The following TTLL5 variants were observed in gnomAD, a reference collection of about 807,000 sequenced individuals.
TTLL5 encodes tubulin polyglutamylase TTLL5.
Under a neutral mutation model 168.4 loss-of-function variants are expected in TTLL5, and 132 were observed. The observed-to-expected ratio is 0.78, with a 90% CI of 0.68 to 0.91. The LOEUF is 0.91. Ranked by LOEUF, TTLL5 falls within the 40% of genes least tolerant of loss-of-function variation. The pLI is 0.00. For missense variants in TTLL5, 1,545 were observed against 1,581.5 expected, an observed-to-expected ratio of 0.98 and a Z score of 0.39; for synonymous variants, 546 against 558.6, an observed-to-expected ratio of 0.98 and a Z score of 0.32.
In TTLL5 at chr14:75,874,933, C is replaced by CCTTTTTTTTTTTT. The variant is rs778792332; in HGVS notation, c.3523-7752_3523-7751insCTTTTTTTTTTTT. Among the ~76,000 whole-genome samples, 415 of 97,544 alleles carry CCTTTTTTTTTTTT rather than the reference C, an allele frequency of 4.3e-3. 69 individuals are homozygous for CCTTTTTTTTTTTT. Among genetic ancestry groups the CCTTTTTTTTTTTT allele is most frequent in the African/African-American group, 0.019 (393 of 20,382 alleles). 64.0% of individuals were successfully genotyped at this position (97,544 alleles called of 152,430 possible). A position where few individuals can be genotyped will look rare whatever the true frequency, so the allele number is the denominator to read the frequency against. ...AGAGAAAAAAAAAGACACTGGGGGCCTTTTTTTTTTTTTTTTTTGAGACGG... is the reference window on the plus strand; with the variant it reads ...AGAGAAAAAAAAAGACACTGGGGGCCCTTTTTTTTTTTTTTTTTTTTTTTTTTTTTTGAGACGG... On this transcript the variant is annotated intron_variant, in intron 29 of 31. Coordinates refer to ENST00000298832, the MANE Select transcript of TTLL5 (RefSeq NM_015072.5).
intron 13 of TTLL5, among the ~76,000 whole-genome samples, 184 bp downstream of exon 13, chr14:75,732,603 T>C (rs1361456296): frequency 6.6e-6 from 1 of 152,202 alleles, no homozygotes; most frequent in Non-Finnish European, 1.5e-5. Flanking sequence ...ATGACAACCA[T>C]GGATCTCTGT....
chr14:75,847,084 C>T (rs1595142433), intron 28 of TTLL5, among the ~76,000 whole-genome samples: 3 of 152,064 alleles, frequency 2.0e-5, no homozygotes. Context: ...TCACTGCAAC[C>T]TCTGCTTCCC....
At position 75,768,491 on chromosome 14, in the gene TTLL5, AT is replaced by A. The variant is rs547399139; in HGVS notation, c.2015+2135del. ...GGAGACAGCCAGCTAAAAGAAACGGATTTTTTTTTTTTCTTTTGAGAAGAGG... is the reference window on the plus strand; with the variant it reads ...GGAGACAGCCAGCTAAAAGAAACGGATTTTTTTTTTTCTTTTGAGAAGAGG... On this transcript the variant is annotated intron_variant, in intron 20 of 31. Coordinates refer to ENST00000298832, the MANE Select transcript of TTLL5 (RefSeq NM_015072.5). Among the ~76,000 whole-genome samples the A allele has an allele frequency of 8.5e-4, 125 of 146,426 alleles. 2 individuals carry two copies. Among genetic ancestry groups the A allele is most frequent in the East Asian group, 1.8e-3 (9 of 5,030 alleles).
At chr14:75,722,727 T>C (rs968900252) in intron 12 of TTLL5, among the ~76,000 whole-genome samples, 90 of 152,278 alleles carry the variant, frequency 5.9e-4, no homozygotes, top group African/African-American at 2.1e-3. Flanking sequence ...TTTAGCTCAC[T>C]GCAGCCTTGA....
intron 28 of TTLL5, among the ~76,000 whole-genome samples, chr14:75,841,738 TAA>T (rs549955722): frequency 6.4e-4 from 97 of 152,060 alleles, no homozygotes; most frequent in Non-Finnish European, 1.1e-3. Flanking sequence ...TGTCCATACT[TAA>T]AAAAAATAGT....
chr14:75,793,224 A>G (rs1037744957), intron 27 of TTLL5, 124 bp downstream of exon 27: 1 of 889,956 alleles, frequency 1.1e-6, no homozygotes, highest in East Asian at 2.9e-5. Flanking sequence ...GAGTATTATT[A>G]ATAGTTGGTT....
intron 27 of TTLL5, among the ~76,000 whole-genome samples, chr14:75,810,206 G>A (rs1442911938): frequency 2.0e-5 from 3 of 152,154 alleles, no homozygotes; most frequent in Admixed American, 2.0e-4. Flanking sequence ...GACCTTCTCA[G>A]ACAAGAATTA....
intron 31 of TTLL5, among the ~76,000 whole-genome samples, chr14:75,946,002 C>A (rs900745864): frequency 3.9e-5 from 6 of 152,178 alleles, no homozygotes; most frequent in Non-Finnish European, 5.9e-5. Context: ...AAATATCTTT[C>A]ATGAATGAGG....
intron 27 of TTLL5, among the ~76,000 whole-genome samples, chr14:75,806,885 G>A (rs1052382222): frequency 3.9e-5 from 6 of 151,920 alleles, no homozygotes; most frequent in African/African-American, 1.5e-4. Flanking sequence ...CGTATTTTTT[G>A]AATAAATAAG....
At chr14:75,907,838 A>G (rs2033205983) in intron 31 of TTLL5, among the ~76,000 whole-genome samples, 1 of 152,236 alleles carries the variant, frequency 6.6e-6, no homozygotes, top group Non-Finnish European at 1.5e-5. Context: ...GAAGGTCAGT[A>G]TTTCCCTTAG....
chr14:75,950,543 T>C (rs934635819), intron 31 of TTLL5, among the ~76,000 whole-genome samples: 1 of 152,212 alleles, frequency 6.6e-6, no homozygotes, highest in African/African-American at 2.4e-5. Context: ...TTGAAAATAC[T>C]CCAGGAAACA....
intron 31 of TTLL5, among the ~76,000 whole-genome samples, chr14:75,942,889 A>G (rs1262168773): frequency 2.0e-5 from 3 of 152,312 alleles, no homozygotes; most frequent in South Asian, 2.1e-4. Flanking sequence ...AATATATTTT[A>G]TGTTTGTGTT....
At chr14:75,736,597 G>C (rs148475208) in intron 15 of TTLL5, among the ~76,000 whole-genome samples, 16 of 152,266 alleles carry the variant, frequency 1.1e-4, no homozygotes, top group African/African-American at 3.9e-4. Context: ...TGTGGGCCAG[G>C]TGTTATGAGA....
chr14:75,910,442 C>T (rs1300850977), intron 31 of TTLL5, among the ~76,000 whole-genome samples: 1 of 152,212 alleles, frequency 6.6e-6, no homozygotes, highest in Non-Finnish European at 1.5e-5. Context: ...CAGCATAAGG[C>T]TGCCCTTCTT....
intron 30 of TTLL5, among the ~76,000 whole-genome samples, chr14:75,890,730 G>GT (rs1303493031): frequency 1.3e-5 from 2 of 151,778 alleles, no homozygotes; most frequent in African/African-American, 4.8e-5. Context: ...TTTTGTTTTT[G>GT]TTTTTTTGAG....
At chr14:75,869,089 G>A (rs185786604) in intron 29 of TTLL5, among the ~76,000 whole-genome samples, 56 of 147,920 alleles carry the variant, frequency 3.8e-4, no homozygotes, top group Admixed American at 2.7e-3. Flanking sequence ...TATTGACTCC[G>A]GAACTTAATG....
At chr14:75,667,995 G>T (rs973104416) in intron 2 of TTLL5, among the ~76,000 whole-genome samples, 2 of 151,908 alleles carry the variant, frequency 1.3e-5, no homozygotes, top group African/African-American at 4.8e-5. Context: ...TCTTGACCTC[G>T]TGATCTGTCT....
intron 12 of TTLL5, among the ~76,000 whole-genome samples, chr14:75,721,307 G>A (rs529456473): frequency 6.6e-6 from 1 of 152,224 alleles, no homozygotes; most frequent in East Asian, 1.9e-4. Context: ...TGACCCCCTA[G>A]CTATAATGGT....
At chr14:75,775,674 CTG>C in intron 22 of TTLL5, 44 bp downstream of exon 22, 4 of 1,605,784 alleles carry the variant, frequency 2.5e-6, no homozygotes, top group Non-Finnish European at 2.6e-6. Context: ...TTGCCATACA[CTG>C]TCAGAAACAG....
Sources: allele counts gnomAD v4.1 joint callset (sites outside exome capture counted in the v4.1 genomes callset), GRCh38; gene constraint gnomAD v4.1.1; transcripts MANE v1.5; gene names NCBI Gene and HGNC (gene_info 2026-07-23, HGNC 2026-07-21).